The following CSPG4 variants were observed in gnomAD, a reference collection of about 807,000 sequenced individuals.
CSPG4 encodes chondroitin sulfate proteoglycan 4, also known as chondroitin sulfate proteoglycan 4 (melanoma-associated).
Under a neutral mutation model 139.3 loss-of-function variants are expected in CSPG4, and 74 were observed. The ratio of observed to expected loss-of-function variants is 0.53; its 90% CI spans 0.44 to 0.64. CSPG4 has a LOEUF of 0.64. Among genes scored for constraint, CSPG4 ranks in the 30% least tolerant of loss-of-function variants. CSPG4 has a pLI of 0.00. For synonymous variants in CSPG4, 1,234 were observed against 1,394.2 expected, an observed-to-expected ratio of 0.89 and a Z score of 2.56; for missense variants, 2,565 against 3,148.3, an observed-to-expected ratio of 0.81 and a Z score of 4.43.
At chr15:75,711,622 G>A (rs1894447987) in intron 1 of CSPG4, among the ~76,000 whole-genome samples, 1 of 152,284 alleles carries the variant, frequency 6.6e-6, no homozygotes, top group Non-Finnish European at 1.5e-5. Context: ...CCCTCTTTTA[G>A]AGCTGGCTTC....
chr15:75,679,094 G>A (rs571379922), intron 8 of CSPG4: 66 of 226,866 alleles, frequency 2.9e-4, no homozygotes, highest in Non-Finnish European at 4.6e-4. Context: ...TGCCAGCTGT[G>A]CTGAGACCCC....
chr15:75,682,044 C>CA (rs1362446419), intron 8 of CSPG4, among the ~76,000 whole-genome samples: 2 of 152,190 alleles, frequency 1.3e-5, no homozygotes, highest in African/African-American at 4.8e-5. Flanking sequence ...CCCAAGACCC[C>CA]AGCCCTGCTC....
Position 75,690,682 on chromosome 15 carries a change from A to G in CSPG4, c.383T>C (p.Phe128Ser). Residue 128 changes from phenylalanine to serine, a missense_variant, in exon 3 of 10, where the codon TTT becomes TCT. Physicochemically the swap from Phe to Ser is radical, Grantham distance 155 (BLOSUM62 -2). Around this residue, in one of 5 missense-constraint regions of CSPG4, gnomAD observed 132 missense variants for 132.3 expected, o/e 1.00. Coordinates refer to ENST00000308508, the MANE Select transcript of CSPG4 (RefSeq NM_001897.5). ...TGGGACTGCTGAGGAGGCGTTCAGA[A>G]ACCCATCGACTGACAACGTGGCCCA... Reference protein sequence around the residue: ...EGWATLSVDGFLNASSAVPGA... With the variant: ...EGWATLSVDGSLNASSAVPGA... The G allele has an allele frequency of 6.2e-7, 1 of 1,612,894 alleles. No individual in the cohort carries two copies. Among genetic ancestry groups the G allele is most frequent in the Non-Finnish European group, 8.5e-7 (1 of 1,180,010 alleles).
At chr15:75,699,118 G>A (rs377494901) in intron 1 of CSPG4, among the ~76,000 whole-genome samples, 14 of 152,174 alleles carry the variant, frequency 9.2e-5, no homozygotes, top group South Asian at 2.1e-4. Context: ...ACCGAAATGC[G>A]GACAACAGTA....
chr15:75,711,764 T>C (rs796257586), intron 1 of CSPG4, among the ~76,000 whole-genome samples: 6 of 152,192 alleles, frequency 3.9e-5, no homozygotes, highest in African/African-American at 1.4e-4. Context: ...TGGGTAGTGA[T>C]GATGGATGGG....
chr15:75,707,570 G>A (rs1324924278), intron 1 of CSPG4, among the ~76,000 whole-genome samples: 1 of 152,352 alleles, frequency 6.6e-6, no homozygotes, highest in East Asian at 1.9e-4. Flanking sequence ...ACAGCCCCAG[G>A]CCTGCTGTGA....
intron 1 of CSPG4, among the ~76,000 whole-genome samples, chr15:75,700,423 C>G (rs1178763392): frequency 6.6e-6 from 1 of 152,178 alleles, no homozygotes; most frequent in Non-Finnish European, 1.5e-5. Flanking sequence ...AGCATCTGCT[C>G]TCCTTGGGCG....
At chr15:75,685,832 T>C in intron 3 of CSPG4, 131 bp from the exon 4 acceptor site, 9 of 999,016 alleles carry the variant, frequency 9.0e-6, no homozygotes, top group Non-Finnish European at 1.1e-5. Flanking sequence ...ACTGCTCATT[T>C]AGACACACAA....
chr15:75,686,381 G>A (rs1241407803), intron 3 of CSPG4, among the ~76,000 whole-genome samples: 2 of 152,176 alleles, frequency 1.3e-5, no homozygotes, highest in African/African-American at 2.4e-5. Flanking sequence ...ACCATCAGAG[G>A]GCGCCCCGCC....
Position 75,685,374 on chromosome 15 carries a change from G to A in CSPG4, c.4117C>T (p.Leu1373Phe), listed in dbSNP as rs776323504. 2.7e-5 allele frequency: 44 copies of A among 1,610,068 alleles called. No individual in the cohort carries two copies. The highest frequency in any genetic ancestry group is 3.6e-5 in the Non-Finnish European group (43 of 1,178,988). ...CGGAGCAGTGGAGGGGCCAGGGTGA[G>A]GCTGCCACCCTCAGGGACGCTGAAG... ...QNFSVPEGGS[L>F]TLAPPLLRVS... The change falls in exon 4 of 10, where the codon CTC becomes TTC. Residue 1373 changes from leucine to phenylalanine, a missense_variant. By Grantham distance (22) the Leu-to-Phe change is conservative. This residue lies in a region of CSPG4 where 2,316 missense variants were observed against 2,818.2 expected (regional missense o/e 0.82). Coordinates refer to ENST00000308508, the MANE Select transcript of CSPG4 (RefSeq NM_001897.5).
chr15:75,696,156 C>T lies in CSPG4; in HGVS notation c.89-2923G>A, dbSNP rs1389919356. On this transcript the variant is annotated intron_variant, in intron 1 of 9. Coordinates refer to ENST00000308508, the MANE Select transcript of CSPG4 (RefSeq NM_001897.5). This position sits in a 1 kb window ranked among gnomAD's most constrained non-coding sequence, Gnocchi z 4.2. ...CACTTCAGGCCTCAGTGTCACCATT[C>T]TGTAAAATGGGCACAGTCCCTCCCA... Among the ~76,000 whole-genome samples the T allele has an allele frequency of 6.6e-6, 1 of 152,210 alleles. No homozygotes were observed. The highest frequency in any genetic ancestry group is 1.5e-5 in the Non-Finnish European group (1 of 68,038).
rs769855848 is a variant in CSPG4, at chr15:75,676,390, C to T, written c.6129G>A (p.Val2043=). The T allele has an allele frequency of 6.8e-6, 11 of 1,613,634 alleles. No individual in the cohort carries two copies. The highest frequency in any genetic ancestry group is 6.6e-5 in the South Asian group (6 of 91,092). The stretch of plus-strand genomic sequence containing the variant: ...CTGCCCACACATGCAGCAGAGCCCT[C>T]ACAGTGACGTTCACTACGGCTGATG... ...VNASAVVNVT[V]RALLHVWAGG... Residue 2043 remains valine, a synonymous_variant, in exon 10 of 10, where the codon GTG becomes GTA. Transcript: ENST00000308508.
chr15:75,675,495 G>A lies in CSPG4; in HGVS notation c.*55C>T, dbSNP rs1182962666. ...ACCAGGCATGGAAGCAATGGGGCCC[G>A]GGACATGGGCAAGCCTGTCCCTGGC... On this transcript the variant is annotated 3_prime_UTR_variant, in exon 10 of 10. Transcript: ENST00000308508. 2.3e-5 allele frequency: 32 copies of A among 1,416,222 alleles called. No homozygotes were observed. The Admixed American group carries it at 5.0e-4, about 22-fold the overall frequency. 87.7% of individuals were successfully genotyped at this position (1,416,222 alleles called of 1,614,324 possible). A position where few individuals can be genotyped will look rare whatever the true frequency, so the allele number is the denominator to read the frequency against.
rs747187502 is a variant in CSPG4, at chr15:75,686,310, GT to G, written c.3790-610del. Among the ~76,000 whole-genome samples the G allele has an allele frequency of 3.3e-4, 50 of 152,192 alleles. No homozygotes were observed. The South Asian group carries it at 6.0e-3, about 18-fold the overall frequency. On this transcript the variant is annotated intron_variant, in intron 3 of 9. Coordinates refer to ENST00000308508, the MANE Select transcript of CSPG4 (RefSeq NM_001897.5). The stretch of plus-strand genomic sequence containing the variant: ...ACACAGGCCCCCCTGCTCAGGATCC[GT>G]TCAGGCCTGTGGCTGGTTTGCAGGC...
At chr15:75,681,228 T>C (rs11631648) in intron 8 of CSPG4, among the ~76,000 whole-genome samples, 69,705 of 152,002 alleles carry the variant, frequency 0.46, 17,009 homozygotes, top group Middle Eastern at 0.55. Context: ...ATTCCACCTG[T>C]CAAAGCCACC....
In CSPG4 at chr15:75,676,783, G is replaced by C; in HGVS notation, c.5736C>G (p.Ser1912Arg). 6.5e-7 allele frequency: 1 copy of C among 1,545,560 alleles called. No individual in the cohort carries two copies. Among genetic ancestry groups the C allele is most frequent in the Non-Finnish European group, 8.7e-7 (1 of 1,143,326 alleles). The change falls in exon 10 of 10, where the codon AGC (serine) becomes AGG (arginine). Residue 1912 changes from serine to arginine, a missense_variant. This residue lies in a region of CSPG4 where 2,316 missense variants were observed against 2,818.2 expected (regional missense o/e 0.82). Transcript: ENST00000308508. Reference protein sequence around the residue: ...GRLAFVANGSSVAGIFQLSMS... With the variant: ...GRLAFVANGSRVAGIFQLSMS... ...TGCTCAGCTGGAAGATGCCTGCCAC[G>C]CTGCTCCCGTTGGCCACGAAGGCCA...
rs1894234625 is a variant in CSPG4, at chr15:75,696,936, C to T, written c.89-3703G>A. On this transcript the variant is annotated intron_variant, in intron 1 of 9. Coordinates refer to ENST00000308508, the MANE Select transcript of CSPG4 (RefSeq NM_001897.5). This position sits in a 1 kb window ranked among gnomAD's most constrained non-coding sequence, Gnocchi z 4.2. ...ATCTCCGGGCTCCCCGGAGGCACTA[C>T]TAGGAGGAGTGTGGATGGGCCCCTG... Among the ~76,000 whole-genome samples the T allele has an allele frequency of 6.6e-6, 1 of 152,230 alleles. No individual in the cohort carries two copies. Among genetic ancestry groups the T allele is most frequent in the African/African-American group, 2.4e-5 (1 of 41,468 alleles).
Position 75,685,304 on chromosome 15 carries a change from T to G in CSPG4, c.4187A>C (p.Gln1396Pro), listed in dbSNP as rs763174928. The change falls in exon 4 of 10, where the codon CAG becomes CCG. Residue 1396 changes from glutamine (Q) to proline (P), a missense_variant. This residue lies in a region of CSPG4 where 2,316 missense variants were observed against 2,818.2 expected (regional missense o/e 0.82). Coordinates refer to ENST00000308508, the MANE Select transcript of CSPG4 (RefSeq NM_001897.5). ...YFPTLLGLSL[Q>P]VLEPPQHGAL... ...TCCATGCTGGGGTGGCTCCAGCACC[T>G]GCAGGCTGAGGCCCAGGAGAGTGGG... is the stretch of plus-strand genomic sequence containing the variant. 6.3e-7 allele frequency: 1 copy of G among 1,591,680 alleles called. No homozygotes were observed. The highest frequency in any genetic ancestry group is 1.3e-5 in the African/African-American group (1 of 74,480).
chr15:75,691,505 A>G (rs1894165046), intron 2 of CSPG4, among the ~76,000 whole-genome samples: 1 of 152,186 alleles, frequency 6.6e-6, no homozygotes, highest in African/African-American at 2.4e-5. Context: ...TCAACTTTGG[A>G]ATAATGGGTA....
Sources: gnomAD v4.1 joint callset for allele counts (sites outside exome capture counted in the v4.1 genomes callset) on GRCh38, gnomAD v4.1.1 for gene constraint, gnomAD v4.1.1 regional missense constraint, Gnocchi (gnomAD v3.1) non-coding constraint, MANE v1.5 for transcripts, NCBI Gene and HGNC (gene_info 2026-07-23, HGNC 2026-07-21) for gene names.